KCNH3: variants seen among roughly 807,000 people sequenced by gnomAD.
The protein encoded by KCNH3 is potassium voltage-gated channel subfamily H member 3.
Under a neutral mutation model 95.6 loss-of-function variants are expected in KCNH3, and 36 were observed. The observed-to-expected ratio is 0.38, with a 90% CI of 0.29 to 0.50. The LOEUF is 0.50. Ranked by LOEUF, KCNH3 falls within the 20% of genes least tolerant of loss-of-function variation. KCNH3 has a pLI of 0.95. For synonymous variants in KCNH3, 620 were observed against 646.3 expected (o/e 0.96, Z 0.62); for missense variants, 1,030 against 1,484.1 (o/e 0.69, Z 5.03).
rs747849109 is a variant in KCNH3, at chr12:49,548,878, T to G, written c.1190-17T>G. 1 of 1,548,432 alleles carries G rather than the reference T, an allele frequency of 6.5e-7. No individual in the cohort carries two copies. Among genetic ancestry groups the G allele is most frequent in the South Asian group, 1.2e-5 (1 of 83,690 alleles). ...ACAGTCTTCCTGCCTGCTCAGGCCC[T>G]GCTGTTCCCCCCTCAGGCTGGCTGC... On this transcript the variant is annotated splice_polypyrimidine_tract_variant and intron_variant, in intron 7 of 14. Coordinates refer to ENST00000257981, the MANE Select transcript of KCNH3 (RefSeq NM_012284.3).
chr12:49,554,495 A>C lies in KCNH3; in HGVS notation c.2077A>C (p.Ser693Arg), dbSNP rs1938365242. The C allele has an allele frequency of 6.2e-7, 1 of 1,613,672 alleles. No individual in the cohort carries two copies. The highest frequency in any genetic ancestry group is 8.5e-7 in the Non-Finnish European group (1 of 1,179,992). ...GTACCCCGAGTTTGCCCCGCGCTTC[A>C]GTCGTGGCCTCCGAGGGGAGCTCAG... is the stretch of plus-strand genomic sequence containing the variant. ...ALYPEFAPRF[S>R]RGLRGELSYN... The change falls in exon 11 of 15, where the codon AGT (serine) becomes CGT (arginine). Residue 693 changes from serine (S) to arginine (R), a missense_variant. By Grantham distance (110) the Ser-to-Arg change is moderately radical (BLOSUM62 -1). This residue lies in a region of KCNH3 where 160 missense variants were observed against 316.2 expected (regional missense o/e 0.51). Transcript: ENST00000257981.
intron 6 of KCNH3, 34 bp from the exon 7 acceptor site, chr12:49,544,141 T>TCCCCCCCC: frequency 1.4e-6 from 2 of 1,413,418 alleles, no homozygotes; most frequent in African/African-American, 1.7e-5. Context: ...CCCGCTGACC[T>TCCCCCCCC]CCCTCCCTCC....
rs538180796 is a variant in KCNH3 at position 49,548,889 on chromosome 12, C to G, written c.1190-6C>G. The stretch of plus-strand genomic sequence containing the variant: ...GCCTGCTCAGGCCCTGCTGTTCCCC[C>G]CTCAGGCTGGCTGCAGGAGCTGGCC... On this transcript the variant is annotated splice_polypyrimidine_tract_variant and splice_region_variant and intron_variant, in intron 7 of 14. Transcript: ENST00000257981. 61 of 1,561,196 alleles carry G rather than the reference C, an allele frequency of 3.9e-5. No homozygotes were observed. Among genetic ancestry groups the G allele is most frequent in the South Asian group, 3.3e-4 (28 of 85,126 alleles).
At chr12:49,553,786 C>G (rs1938340966) in intron 10 of KCNH3, among the ~76,000 whole-genome samples, 3 of 152,226 alleles carry the variant, frequency 2.0e-5, no homozygotes, top group African/African-American at 2.4e-5. Flanking sequence ...GCAGAGGCAG[C>G]TAGGGCTCAG....
At chr12:49,547,685 G>A (rs964388879) in intron 7 of KCNH3, among the ~76,000 whole-genome samples, 2 of 152,124 alleles carry the variant, frequency 1.3e-5, no homozygotes, top group Non-Finnish European at 2.9e-5. Context: ...GTGTGTGCGG[G>A]CCACAGGACC....
chr12:49,543,615 C>T, intron 5 of KCNH3, 97 bp downstream of exon 5: 3 of 1,453,122 alleles, frequency 2.1e-6, no homozygotes, highest in Non-Finnish European at 1.8e-6. Flanking sequence ...ACAGTGCCCC[C>T]CTCGCTCTCT....
At chr12:49,546,518 C>T (rs1416313632) in intron 7 of KCNH3, among the ~76,000 whole-genome samples, 1 of 152,172 alleles carries the variant, frequency 6.6e-6, no homozygotes, top group Non-Finnish European at 1.5e-5. Flanking sequence ...GCCTGGGTTT[C>T]CTTTTCCACT....
rs1185767753 is a variant in KCNH3, at chr12:49,541,751, A to G, written c.432A>G (p.Arg144=). 6.2e-7 allele frequency: 1 copy of G among 1,614,120 alleles called. No individual in the cohort carries two copies. The highest frequency in any genetic ancestry group is 8.5e-7 in the Non-Finnish European group (1 of 1,180,006). Residue 144 remains arginine (R), a synonymous_variant, in exon 3 of 15, where the codon AGA becomes AGG. Transcript: ENST00000257981. ...SETKNRGGPD[R]WKETGGGRRR... ...CCAAGAACCGAGGGGGCCCCGACAG[A>G]TGGAAGGAGACAGGTAGGTGCATGT...
At chr12:49,544,145 T>TTCCAA in intron 6 of KCNH3, 30 bp from the exon 7 acceptor site, 9 of 818,344 alleles carry the variant, frequency 1.1e-5, no homozygotes, top group Non-Finnish European at 1.6e-5. Context: ...CTGACCTCCC[T>TTCCAA]CCCTCCCTCC....
chr12:49,549,655 G>A lies in KCNH3; in HGVS notation c.1668+15G>A. 1.2e-6 allele frequency: 2 copies of A among 1,601,318 alleles called. No individual in the cohort carries two copies. Among genetic ancestry groups the A allele is most frequent in the East Asian group, 4.5e-5 (2 of 44,566 alleles). On this transcript the variant is annotated intron_variant, in intron 9 of 14. Transcript: ENST00000257981. ...ACACCACCGAGGTGCGGCCTCCGGG[G>A]CTGGGCCTGCTAGCCTTTGCTCCCT...
rs1418801757 is a variant in KCNH3, at chr12:49,542,765, C to T, written c.505C>T (p.Arg169Trp). The T allele has an allele frequency of 6.9e-6, 11 of 1,592,670 alleles. No individual in the cohort carries two copies. Among genetic ancestry groups the T allele is most frequent in the South Asian group, 4.6e-5 (4 of 87,434 alleles). ...CAAAGGCTTCAATGCCAACCGGCGG[C>T]GGAGCCGGGCCGTGCTCTACCACCT... ...RSKGFNANRR[R>W]SRAVLYHLSG... Residue 169 changes from arginine (R) to tryptophan (W), a missense_variant, in exon 4 of 15, where the codon CGG (arginine) becomes TGG (tryptophan). By Grantham distance (101) the Arg-to-Trp change is moderately radical. Coordinates refer to ENST00000257981, the MANE Select transcript of KCNH3 (RefSeq NM_012284.3).
chr12:49,549,302 C>T lies in KCNH3; in HGVS notation c.1468+129C>T, dbSNP rs377444518. The T allele has an allele frequency of 2.4e-3, 3,483 of 1,455,350 alleles. 37 individuals are homozygous for T. The highest frequency in any genetic ancestry group is 0.018 in the South Asian group (1,383 of 75,796). 90.2% of individuals were successfully genotyped at this position (1,455,350 alleles called of 1,614,324 possible). ...TTTAGGTGGCCGCGGAACCCGAGGC[C>T]GGGGGTGGGGGAGACTTCGCCCGCA... On this transcript the variant is annotated intron_variant, in intron 8 of 14. Coordinates refer to ENST00000257981, the MANE Select transcript of KCNH3 (RefSeq NM_012284.3).
Position 49,555,640 on chromosome 12 carries a change from C to A in KCNH3, c.2157C>A (p.Ser719Arg). ...GSAEVDTSSL[S>R]GDNTLMSTLE... ...CCTAGGTGGACACCAGCTCCCTGAG[C>A]GGCGACAATACCCTTATGTCCACGC... Residue 719 changes from serine (S) to arginine (R), a missense_variant, in exon 12 of 15, where the codon AGC (serine) becomes AGA (arginine). Coordinates refer to ENST00000257981, the MANE Select transcript of KCNH3 (RefSeq NM_012284.3). 2 of 1,550,766 alleles carry A rather than the reference C, an allele frequency of 1.3e-6. No homozygotes were observed. The highest frequency in any genetic ancestry group is 1.7e-6 in the Non-Finnish European group (2 of 1,144,114).
In KCNH3 at chr12:49,554,344, C is replaced by CG; in HGVS notation, c.1927dup (p.Asp643GlyfsTer6). On this transcript the variant is annotated frameshift_variant, in exon 11 of 15. Coordinates refer to ENST00000257981, the MANE Select transcript of KCNH3 (RefSeq NM_012284.3). LOFTEE classifies it high-confidence loss of function. ...TCTACTTCCTCTCCCCAGGGAAGGGCGACCTGATCGGCTGTGAGCTGCCCC... is the reference window on the plus strand; with the variant it reads ...TCTACTTCCTCTCCCCAGGGAAGGGCGGACCTGATCGGCTGTGAGCTGCCCC... 6.2e-7 allele frequency: 1 copy of CG among 1,613,322 alleles called. No homozygotes were observed. Among genetic ancestry groups the CG allele is most frequent in the Non-Finnish European group, 8.5e-7 (1 of 1,179,974 alleles).
intron 8 of KCNH3, 37 bp from the exon 9 acceptor site, chr12:49,549,404 G>A (rs1938180743): frequency 6.2e-7 from 1 of 1,607,166 alleles, no homozygotes; most frequent in Admixed American, 1.7e-5. Context: ...GCCGGGCCAG[G>A]TCCCCTAGGT....
At chr12:49,542,659 G>T in intron 3 of KCNH3, 47 bp from the exon 4 acceptor site, 1 of 1,533,084 alleles carries the variant, frequency 6.5e-7, no homozygotes, top group Non-Finnish European at 8.8e-7. Context: ...GAGCTAGGGT[G>T]TGTGGGCACA....
intron 1 of KCNH3, among the ~76,000 whole-genome samples, chr12:49,540,690 G>C (rs771558337): frequency 6.6e-6 from 1 of 152,242 alleles, no homozygotes; most frequent in Non-Finnish European, 1.5e-5. Flanking sequence ...CACATGTGCT[G>C]ATCCTTGAAT....
rs778562532 is a variant in KCNH3 at position 49,555,640 on chromosome 12, C to T, written c.2157C>T (p.Ser719=). 7.7e-5 allele frequency: 120 copies of T among 1,550,766 alleles called. 1 individual carries two copies. In the South Asian group the frequency reaches 1.2e-3, roughly 15 times the overall value. ...GSAEVDTSSL[S]GDNTLMSTLE... is the part of the protein sequence containing the mutation. ...CCTAGGTGGACACCAGCTCCCTGAGCGGCGACAATACCCTTATGTCCACGC... is the reference window on the plus strand; with the variant it reads ...CCTAGGTGGACACCAGCTCCCTGAGTGGCGACAATACCCTTATGTCCACGC... The change falls in exon 12 of 15, where the codon AGC becomes AGT. Residue 719 remains serine (S), a synonymous_variant. Transcript: ENST00000257981.
At position 49,555,284 on chromosome 12, in the gene KCNH3, C is replaced by CAA. The variant is rs1157061451; in HGVS notation, c.2137-319_2137-318dup. Among the ~76,000 whole-genome samples, 417 of 66,866 alleles carry CAA rather than the reference C, an allele frequency of 6.2e-3. 1 individual carries two copies. Among genetic ancestry groups the CAA allele is most frequent in the African/African-American group, 0.022 (362 of 16,232 alleles). The allele number at this position is 66,866 out of a possible 152,430, so 43.9% of individuals were successfully genotyped here. A position where few individuals can be genotyped will look rare whatever the true frequency, so the allele number is the denominator to read the frequency against. On this transcript the variant is annotated intron_variant, in intron 11 of 14. Coordinates refer to ENST00000257981, the MANE Select transcript of KCNH3 (RefSeq NM_012284.3). Reference sequence around the variant, plus strand: ...TGAAACGCCGTCTCTACTAAAAATACAAAAAAAAAAAAAAAAAATGAGCCG... The same window carrying CAA: ...TGAAACGCCGTCTCTACTAAAAATACAAAAAAAAAAAAAAAAAAAATGAGCCG...
Sources: gnomAD v4.1 joint callset for allele counts (sites outside exome capture counted in the v4.1 genomes callset) on GRCh38, gnomAD v4.1.1 for gene constraint, gnomAD v4.1.1 regional missense constraint, MANE v1.5 for transcripts, NCBI Gene and HGNC (gene_info 2026-07-23, HGNC 2026-07-21) for gene names.